The following FSTL5 variants were observed in gnomAD, a reference collection of about 807,000 sequenced individuals.
FSTL5 encodes the protein follistatin like 5.
FSTL5 carries 62 observed loss-of-function variants against 89.1 expected under a neutral mutation model. The ratio of observed to expected loss-of-function variants is 0.70; its 90% CI spans 0.57 to 0.86. FSTL5 has a LOEUF of 0.86. Ranked by LOEUF, FSTL5 falls within the 40% of genes least tolerant of loss-of-function variation. The pLI is 0.00. For synonymous variants in FSTL5, 383 were observed against 346.2 expected, an observed-to-expected ratio of 1.11 and a Z score of -1.18; for missense variants, 1,057 against 1,001.6, an observed-to-expected ratio of 1.06 and a Z score of -0.75.
chr4:161,397,642 T>C (rs896107438), intron 15 of FSTL5, among the ~76,000 whole-genome samples: 2 of 117,352 alleles, frequency 1.7e-5, no homozygotes, highest in African/African-American at 5.8e-5. Context: ...ACAAAAAACA[T>C]ACATATTGAA....
At chr4:161,533,420 G>T (rs934650168) in intron 10 of FSTL5, among the ~76,000 whole-genome samples, 1 of 151,994 alleles carries the variant, frequency 6.6e-6, no homozygotes, top group Admixed American at 6.6e-5. Flanking sequence ...AAATAGAAAA[G>T]ATCCTCAGAG....
chr4:161,482,272 C>T (rs549717923), intron 12 of FSTL5, among the ~76,000 whole-genome samples: 188 of 151,868 alleles, frequency 1.2e-3, no homozygotes, highest in African/African-American at 4.3e-3. Context: ...GCCAAGATCG[C>T]GCCACTGCAC....
At chr4:161,606,579 A>C (rs1435042740) in intron 7 of FSTL5, among the ~76,000 whole-genome samples, 2 of 152,118 alleles carry the variant, frequency 1.3e-5, no homozygotes, top group East Asian at 1.9e-4. Flanking sequence ...ACTAGTGTAC[A>C]TTTTTTACCT....
intron 1 of FSTL5, among the ~76,000 whole-genome samples, chr4:162,114,514 TTC>T (rs980248759): frequency 1.4e-5 from 2 of 139,402 alleles, no homozygotes; most frequent in African/African-American, 5.3e-5. Context: ...TTCCCTCTCT[TTC>T]TCTTTGTGTG....
At position 162,057,393 on chromosome 4, in the gene FSTL5, T is replaced by C. The variant is rs1342558604; in HGVS notation, c.127-23735A>G. 2.0e-5 allele frequency among the ~76,000 whole-genome samples: 3 copies of C among 152,168 alleles called. No individual in the cohort carries two copies. In the East Asian group the frequency reaches 5.8e-4, roughly 29 times the overall value. On this transcript the variant is annotated intron_variant, in intron 2 of 15. Transcript: ENST00000306100. Reference sequence around the variant, plus strand: ...GCTAAAAGTAAAACAAAACAGTGTCTAAGGATAACTTAGAAATTACTCATA... The same window carrying C: ...GCTAAAAGTAAAACAAAACAGTGTCCAAGGATAACTTAGAAATTACTCATA...
At chr4:161,681,953 A>G (rs1454528279) in intron 6 of FSTL5, among the ~76,000 whole-genome samples, 2 of 152,146 alleles carry the variant, frequency 1.3e-5, no homozygotes, top group Non-Finnish European at 2.9e-5. Flanking sequence ...ACAAACCTAG[A>G]TGGTACAGAC....
chr4:161,536,776 T>C (rs1307960078), intron 10 of FSTL5, among the ~76,000 whole-genome samples: 2 of 152,160 alleles, frequency 1.3e-5, no homozygotes, highest in African/African-American at 4.8e-5. Context: ...GGGAAACATA[T>C]TAAAAAGTAC....
intron 4 of FSTL5, among the ~76,000 whole-genome samples, chr4:161,859,679 T>A (rs72981123): frequency 0.052 from 7,990 of 152,262 alleles, 302 homozygotes; most frequent in East Asian, 0.14. Flanking sequence ...CTGTTCCTTA[T>A]CACCATACAT....
chr4:161,461,003 T>G (rs1023098399), intron 13 of FSTL5, among the ~76,000 whole-genome samples: 5 of 152,102 alleles, frequency 3.3e-5, no homozygotes, highest in African/African-American at 4.8e-5. Flanking sequence ...AAGATTAGTA[T>G]GATGCATGAT....
At chr4:162,071,141 A>G (rs1042834147) in intron 2 of FSTL5, among the ~76,000 whole-genome samples, 1 of 151,766 alleles carries the variant, frequency 6.6e-6, no homozygotes, top group African/African-American at 2.4e-5. Flanking sequence ...ATCAATAAAA[A>G]TTTTGAATTC....
At chr4:161,637,944 C>A (rs571852071) in intron 7 of FSTL5, among the ~76,000 whole-genome samples, 1 of 148,448 alleles carries the variant, frequency 6.7e-6, no homozygotes, top group Non-Finnish European at 1.5e-5. Context: ...CTTGGCGATG[C>A]GGGCTCTTTT....
At chr4:161,812,879 CAAAAAAAAAAAA>C (rs35183730) in intron 4 of FSTL5, among the ~76,000 whole-genome samples, 36 of 41,564 alleles carry the variant, frequency 8.7e-4, no homozygotes, top group East Asian at 1.8e-3. Flanking sequence ...TAAATCCCAG[CAAAAAAAAAAAA>C]AAAAAAAAAA....
chr4:161,861,995 T>C (rs1055862717), intron 4 of FSTL5, among the ~76,000 whole-genome samples: 2 of 152,190 alleles, frequency 1.3e-5, no homozygotes, highest in African/African-American at 4.8e-5. Flanking sequence ...TCAGTTTCCC[T>C]CTTTGGGAGA....
At chr4:161,608,488 C>G (rs1198913094) in intron 7 of FSTL5, among the ~76,000 whole-genome samples, 1 of 151,906 alleles carries the variant, frequency 6.6e-6, no homozygotes, top group Admixed American at 6.6e-5. Context: ...GGGAAATAAA[C>G]AGGCTCAGAA....
intron 3 of FSTL5, among the ~76,000 whole-genome samples, chr4:161,951,348 A>T (rs1734889189): frequency 6.6e-6 from 1 of 152,070 alleles, no homozygotes; most frequent in African/African-American, 2.4e-5. Context: ...TTCTCTGGTG[A>T]ATTTCTCCTC....
chr4:161,534,038 C>T (rs77987216), intron 10 of FSTL5, among the ~76,000 whole-genome samples: 51 of 151,928 alleles, frequency 3.4e-4, no homozygotes, highest in African/African-American at 1.1e-3. Context: ...TATTCATTCA[C>T]GGTAAAACCT....
At chr4:161,592,617 G>A (rs1430811010) in intron 7 of FSTL5, among the ~76,000 whole-genome samples, 1 of 152,098 alleles carries the variant, frequency 6.6e-6, no homozygotes, top group Non-Finnish European at 1.5e-5. Context: ...CCTTTTCTAT[G>A]GCTGCATAGT....
chr4:161,923,138 T>C (rs1734037380), intron 3 of FSTL5, among the ~76,000 whole-genome samples: 1 of 151,926 alleles, frequency 6.6e-6, no homozygotes, highest in African/African-American at 2.4e-5. Context: ...AGATGCCTCG[T>C]GGTAGCCAAG....
intron 7 of FSTL5, among the ~76,000 whole-genome samples, chr4:161,615,687 A>G (rs1236962307): frequency 6.6e-6 from 1 of 152,150 alleles, no homozygotes; most frequent in African/African-American, 2.4e-5. Flanking sequence ...TATTTCCCAC[A>G]AAAACATGAA....
Sources: allele counts gnomAD v4.1 joint callset (sites outside exome capture counted in the v4.1 genomes callset), GRCh38; gene constraint gnomAD v4.1.1; transcripts MANE v1.5; gene names NCBI Gene and HGNC (gene_info 2026-07-23, HGNC 2026-07-21).